Variants in ROR1 observed in about 807,000 individuals in gnomAD.
ROR1 encodes inactive tyrosine-protein kinase transmembrane receptor ROR1.
Under a neutral mutation model 78.8 loss-of-function variants are expected in ROR1, and 19 were observed. That is an observed-to-expected ratio of 0.24 (90% CI 0.17 to 0.35). ROR1 has a LOEUF of 0.35. Among genes scored for constraint, ROR1 ranks in the 10% least tolerant of loss-of-function variants. The pLI, the probability that ROR1 is intolerant of heterozygous loss-of-function variation, is 1.00. For missense variants in ROR1, 917 were observed against 1,177.8 expected (o/e 0.78, Z 3.24); for synonymous variants, 386 against 433.6 (o/e 0.89, Z 1.36).
intron 1 of ROR1, among the ~76,000 whole-genome samples, chr1:63,981,737 A>G (rs1646212234): frequency 6.6e-6 from 1 of 151,978 alleles, no homozygotes; most frequent in African/African-American, 2.4e-5. Flanking sequence ...TAGCGGTTTA[A>G]GTTTGCTCCT....
At chr1:64,123,604 T>A (rs1255622523) in intron 4 of ROR1, among the ~76,000 whole-genome samples, 1 of 152,204 alleles carries the variant, frequency 6.6e-6, no homozygotes, top group African/African-American at 2.4e-5. Flanking sequence ...AAACAGTTCA[T>A]GTAATAACTA....
In ROR1 at chr1:63,775,077, T is replaced by C. The variant is rs563727350; in HGVS notation, c.91+569T>C. On this transcript the variant is annotated intron_variant, in intron 1 of 8. Coordinates refer to ENST00000371079, the MANE Select transcript of ROR1 (RefSeq NM_005012.4). Reference sequence around the variant, plus strand: ...CCTCCGGCCCTCCCGAGAGTCATCATAGAGGCCAAAACTTGTGCGCCGCTG... The same window carrying C: ...CCTCCGGCCCTCCCGAGAGTCATCACAGAGGCCAAAACTTGTGCGCCGCTG... Among the ~76,000 whole-genome samples, 6 of 151,970 alleles carry C rather than the reference T, an allele frequency of 3.9e-5. No individual in the cohort carries two copies. In the South Asian group the frequency reaches 1.0e-3, roughly 26 times the overall value.
intron 1 of ROR1, among the ~76,000 whole-genome samples, chr1:63,775,118 T>G (rs895607469): frequency 1.3e-5 from 2 of 152,054 alleles, no homozygotes; most frequent in Admixed American, 6.5e-5. Context: ...GCTGCCACTT[T>G]GTGCAAAATG....
At chr1:63,782,181 A>G (rs1188719647) in intron 1 of ROR1, among the ~76,000 whole-genome samples, 2 of 152,214 alleles carry the variant, frequency 1.3e-5, no homozygotes, top group Non-Finnish European at 2.9e-5. Context: ...CAAATGACAG[A>G]TTTATGGCAG....
intron 2 of ROR1, among the ~76,000 whole-genome samples, chr1:64,030,673 TTAG>T (rs1212093104): frequency 6.6e-6 from 1 of 152,216 alleles, no homozygotes; most frequent in African/African-American, 2.4e-5. Flanking sequence ...AACTAATATT[TTAG>T]TTTTCTTTCA....
At chr1:63,953,752 C>T (rs533089481) in intron 1 of ROR1, among the ~76,000 whole-genome samples, 2 of 152,186 alleles carry the variant, frequency 1.3e-5, no homozygotes, top group South Asian at 4.2e-4. Flanking sequence ...TTCATTAGGG[C>T]AAGGGTGAGG....
chr1:64,023,493 T>G (rs1646581797), intron 2 of ROR1, among the ~76,000 whole-genome samples: 1 of 152,192 alleles, frequency 6.6e-6, no homozygotes, highest in Non-Finnish European at 1.5e-5. Context: ...TCACCTGTAC[T>G]GTTTATTGCC....
intron 1 of ROR1, among the ~76,000 whole-genome samples, chr1:63,987,402 C>CT (rs1295610400): frequency 6.6e-6 from 1 of 152,206 alleles, no homozygotes; most frequent in African/African-American, 2.4e-5. Context: ...TGCCTGCCAA[C>CT]TTAACGCACT....
chr1:63,980,016 A>T (rs1186173629), intron 1 of ROR1, among the ~76,000 whole-genome samples: 1 of 152,166 alleles, frequency 6.6e-6, no homozygotes, highest in Non-Finnish European at 1.5e-5. Flanking sequence ...AAGGGAATAA[A>T]TGAGAAGGAG....
intron 1 of ROR1, among the ~76,000 whole-genome samples, chr1:63,922,605 A>AC (rs1190169346): frequency 6.6e-6 from 1 of 152,194 alleles, no homozygotes; most frequent in Non-Finnish European, 1.5e-5. Flanking sequence ...AAAGAGTTCT[A>AC]CAGCTCACTT....
rs578013424 is a variant in ROR1 at position 63,922,672 on chromosome 1, T to TTGA, written c.92-86617_92-86615dup. ...GACAGCAGGCTTTTTCTTTTTAGTA[T>TTGA]TGATGATGATGATGATGAGCTTTAA... On this transcript the variant is annotated intron_variant, in intron 1 of 8. Transcript: ENST00000371079. Among the ~76,000 whole-genome samples the TTGA allele has an allele frequency of 2.6e-3, 403 of 152,156 alleles. 2 individuals carry two copies. Among genetic ancestry groups the TTGA allele is most frequent in the African/African-American group, 9.3e-3 (386 of 41,536 alleles).
chr1:63,947,339 G>A (rs1030832535), intron 1 of ROR1, among the ~76,000 whole-genome samples: 31 of 152,084 alleles, frequency 2.0e-4, no homozygotes, highest in African/African-American at 6.5e-4. Context: ...TATAATTTCC[G>A]TTCTGACCTC....
intron 1 of ROR1, among the ~76,000 whole-genome samples, chr1:63,931,526 T>G (rs1233959261): frequency 6.6e-6 from 1 of 152,164 alleles, no homozygotes; most frequent in African/African-American, 2.4e-5. Flanking sequence ...TCCAAAAATA[T>G]TAAATGGAAG....
In ROR1 at chr1:63,962,654, G is replaced by A. The variant is rs1353238809; in HGVS notation, c.92-46651G>A. Among the ~76,000 whole-genome samples the A allele has an allele frequency of 3.9e-5, 6 of 152,296 alleles. No individual in the cohort carries two copies. The East Asian group carries it at 9.7e-4, about 25-fold the overall frequency. ...GAGCGGGGAGAGTGCCTCAGGCAGG[G>A]TCAAATGTGAGCAGAGCCGGGAGTG... is the stretch of plus-strand genomic sequence containing the variant. On this transcript the variant is annotated intron_variant, in intron 1 of 8. Transcript: ENST00000371079.
intron 2 of ROR1, among the ~76,000 whole-genome samples, chr1:64,015,427 C>T (rs1646512791): frequency 6.6e-6 from 1 of 152,310 alleles, no homozygotes; most frequent in African/African-American, 2.4e-5. Flanking sequence ...CTGCCTCTTC[C>T]CTCGAAGCTT....
At chr1:63,860,696 GAGGTGGAGGTTGC>G (rs1645175555) in intron 1 of ROR1, among the ~76,000 whole-genome samples, 1 of 150,816 alleles carries the variant, frequency 6.6e-6, no homozygotes. Flanking sequence ...TTGGACCTGG[GAGGTGGAGGTTGC>G]AGTGAGCAGA....
intron 1 of ROR1, among the ~76,000 whole-genome samples, chr1:63,849,293 T>C (rs2100327853): frequency 6.6e-6 from 1 of 152,354 alleles, no homozygotes; most frequent in East Asian, 1.9e-4. Flanking sequence ...ATTTGTTTAT[T>C]GATTTGTTCA....
chr1:64,030,602 G>A (rs1646652339), intron 2 of ROR1, among the ~76,000 whole-genome samples: 1 of 152,182 alleles, frequency 6.6e-6, no homozygotes, highest in Admixed American at 6.5e-5. Flanking sequence ...AGGAATTGAA[G>A]CCATCTGCAT....
intron 1 of ROR1, among the ~76,000 whole-genome samples, chr1:63,957,944 A>G (rs532563177): frequency 4.4e-4 from 67 of 152,082 alleles, no homozygotes; most frequent in African/African-American, 1.6e-3. Flanking sequence ...GGGTTTCACC[A>G]TGTTGGCCAG....
Sources: allele counts gnomAD v4.1 joint callset (sites outside exome capture counted in the v4.1 genomes callset), GRCh38; gene constraint gnomAD v4.1.1; transcripts MANE v1.5; gene names NCBI Gene and HGNC (gene_info 2026-07-23, HGNC 2026-07-21).